WWP2: variants seen among roughly 807,000 people sequenced by gnomAD.
The protein encoded by WWP2 is NEDD4-like E3 ubiquitin-protein ligase WWP2.
WWP2 carries 57 observed loss-of-function variants against 121.0 expected under a neutral mutation model. That is an observed-to-expected ratio of 0.47 (90% CI 0.38 to 0.59). The LOEUF is 0.59. Among genes scored for constraint, WWP2 ranks in the 20% least tolerant of loss-of-function variants. WWP2 has a pLI of 0.00. For synonymous variants in WWP2, 449 were observed against 441.3 expected, an observed-to-expected ratio of 1.02 and a Z score of -0.22; for missense variants, 962 against 1,158.9, an observed-to-expected ratio of 0.83 and a Z score of 2.47.
intron 4 of WWP2, among the ~76,000 whole-genome samples, chr16:69,813,581 G>A (rs1035118954): frequency 2.6e-5 from 4 of 152,186 alleles, no homozygotes; most frequent in African/African-American, 9.7e-5. Context: ...CCCCACCTCA[G>A]CCTCCAGAGT....
At chr16:69,805,142 C>T (rs62050043) in intron 4 of WWP2, among the ~76,000 whole-genome samples, 9 of 151,660 alleles carry the variant, frequency 5.9e-5, no homozygotes, top group Non-Finnish European at 1.2e-4. Flanking sequence ...TGGGTTCAAG[C>T]GATTCTCGTG....
rs180818736 is a variant in WWP2 at position 69,908,954 on chromosome 16, G to A, written c.1004+104G>A. The A allele has an allele frequency of 8.9e-5, 139 of 1,565,284 alleles. No homozygotes were observed. The Admixed American group carries it at 2.6e-3, about 30-fold the overall frequency. On this transcript the variant is annotated intron_variant, in intron 9 of 23. Coordinates refer to ENST00000359154, the MANE Select transcript of WWP2 (RefSeq NM_001270454.2). ...TTCTGCGGAGGTAGCATAGCACAGT[G>A]ACGTTTATTCCGGGTCACTTGATTG...
rs761615562 is a variant in WWP2 at position 69,917,791 on chromosome 16, G to A, written c.1087G>A (p.Ala363Thr). The A allele has an allele frequency of 1.1e-5, 17 of 1,614,016 alleles. No individual in the cohort carries two copies. The highest frequency in any genetic ancestry group is 1.4e-5 in the Non-Finnish European group (17 of 1,179,842). Reference protein sequence around the residue: ...TRTTTWQRPTAEYVRNYEQWQ... With the variant: ...TRTTTWQRPTTEYVRNYEQWQ... ...GACCACCACCTGGCAGCGTCCGACC[G>A]CGGAGTACGTGCGCAACTATGAGCA... Residue 363 changes from alanine to threonine, a missense_variant, in exon 10 of 24, where the codon GCG becomes ACG. Transcript: ENST00000359154.
intron 4 of WWP2, among the ~76,000 whole-genome samples, chr16:69,805,877 A>G (rs2056265350): frequency 6.7e-6 from 1 of 150,238 alleles, no homozygotes; most frequent in South Asian, 2.1e-4. Flanking sequence ...GAATGATTAT[A>G]TGATTTTTCT....
chr16:69,878,022 G>T (rs964328820), intron 7 of WWP2, among the ~76,000 whole-genome samples: 2 of 152,006 alleles, frequency 1.3e-5, no homozygotes, highest in Non-Finnish European at 2.9e-5. Context: ...TGGCCAGGCT[G>T]ATCTCAAACT....
chr16:69,917,058 A>G (rs1175042804), intron 9 of WWP2, among the ~76,000 whole-genome samples: 2 of 152,220 alleles, frequency 1.3e-5, no homozygotes, highest in South Asian at 2.1e-4. Flanking sequence ...AGACCATGCA[A>G]CATGTTTACA....
chr16:69,905,902 C>T (rs1597139966), intron 8 of WWP2, among the ~76,000 whole-genome samples: 3 of 152,316 alleles, frequency 2.0e-5, no homozygotes, highest in Non-Finnish European at 4.4e-5. Flanking sequence ...CTCTGAGCCT[C>T]AGTTTCCTCA....
At chr16:69,841,996 T>C in intron 5 of WWP2, 28 bp from the exon 6 acceptor site, 2 of 1,602,226 alleles carry the variant, frequency 1.2e-6, no homozygotes, top group Non-Finnish European at 1.7e-6. Context: ...AATGCTTCTG[T>C]CTTTTCTTGT....
chr16:69,887,396 C>G (rs2057944251), intron 7 of WWP2, among the ~76,000 whole-genome samples: 1 of 151,830 alleles, frequency 6.6e-6, no homozygotes, highest in African/African-American at 2.4e-5. Context: ...GCATTTAGCC[C>G]CAACACTTTT....
Position 69,925,264 on chromosome 16 carries a change from G to A in WWP2, c.1180-166G>A. 1 of 1,433,640 alleles carries A rather than the reference G, an allele frequency of 7.0e-7. No individual in the cohort carries two copies. Among genetic ancestry groups the A allele is most frequent in the Non-Finnish European group, 9.2e-7 (1 of 1,091,068 alleles). The allele number at this position is 1,433,640 out of a possible 1,614,324, so 88.8% of individuals were successfully genotyped here. Reference sequence around the variant, plus strand: ...TCTGTAAAAATCAAAACAAAAAACAGAGACTTTTGAGAGGAGCAGATGCCA... The same window carrying A: ...TCTGTAAAAATCAAAACAAAAAACAAAGACTTTTGAGAGGAGCAGATGCCA... On this transcript the variant is annotated intron_variant, in intron 10 of 23. Coordinates refer to ENST00000359154, the MANE Select transcript of WWP2 (RefSeq NM_001270454.2). The surrounding 1 kb of genome is among the most constrained non-coding windows in gnomAD (Gnocchi z 4.0).
rs1296647818 is a variant in WWP2, at chr16:69,940,027, G to A, written c.*87G>A. ...AGGCCACTGGCCCCGCAGCCCTTGG[G>A]AGGCCCCCGTGGATGTGGCCCTGTG... is the stretch of plus-strand genomic sequence containing the variant. On this transcript the variant is annotated 3_prime_UTR_variant, in exon 24 of 24. Coordinates refer to ENST00000359154, the MANE Select transcript of WWP2 (RefSeq NM_001270454.2). 3 of 1,137,542 alleles carry A rather than the reference G, an allele frequency of 2.6e-6. No homozygotes were observed. The East Asian group carries it at 7.6e-5, about 29-fold the overall frequency. 70.5% of individuals were successfully genotyped at this position (1,137,542 alleles called of 1,614,324 possible). A position where few individuals can be genotyped will look rare whatever the true frequency, so the allele number is the denominator to read the frequency against.
At chr16:69,803,375 AC>A (rs10708547) in intron 4 of WWP2, among the ~76,000 whole-genome samples, 8,870 of 152,086 alleles carry the variant, frequency 0.058, 841 homozygotes, top group African/African-American at 0.2. Context: ...CATAAAAAAA[AC>A]ATTATCTTAC....
rs2058791844 is a variant in WWP2, at chr16:69,936,002, C to G, written c.1976+16C>G. On this transcript the variant is annotated intron_variant, in intron 18 of 23. Coordinates refer to ENST00000359154, the MANE Select transcript of WWP2 (RefSeq NM_001270454.2). Reference sequence around the variant, plus strand: ...TCTGGATCAAGTGAGTTCCCTGCCCCCTTGCCCCACCGCGCTGATAGGAGG... The same window carrying G: ...TCTGGATCAAGTGAGTTCCCTGCCCGCTTGCCCCACCGCGCTGATAGGAGG... The G allele has an allele frequency of 9.9e-6, 16 of 1,612,482 alleles. No homozygotes were observed. The highest frequency in any genetic ancestry group is 1.3e-5 in the Non-Finnish European group (15 of 1,179,396).
chr16:69,928,637 G>T (rs183018781), intron 11 of WWP2, among the ~76,000 whole-genome samples: 2 of 152,164 alleles, frequency 1.3e-5, no homozygotes, highest in African/African-American at 4.8e-5. Flanking sequence ...GGCCAGGCAC[G>T]GTGGCTTATT....
chr16:69,806,271 C>A (rs150593804), intron 4 of WWP2, among the ~76,000 whole-genome samples: 25 of 152,224 alleles, frequency 1.6e-4, no homozygotes, highest in African/African-American at 5.8e-4. Context: ...CTAGAATATA[C>A]CTAGTTGCTC....
chr16:69,816,744 TATACACACGTATACATATACAC>T (rs1347870968), intron 4 of WWP2, among the ~76,000 whole-genome samples: 8 of 152,004 alleles, frequency 5.3e-5, no homozygotes, highest in African/African-American at 1.9e-4. Flanking sequence ...CACGTATACA[TATACACACGTATACATATACAC>T]ATACACACAT....
Position 69,856,159 on chromosome 16 carries a change from G to A in WWP2, c.575+14039G>A, listed in dbSNP as rs75549727. Among the ~76,000 whole-genome samples the A allele has an allele frequency of 2.6e-4, 39 of 152,246 alleles. No individual in the cohort carries two copies. The East Asian group carries it at 5.8e-3, about 23-fold the overall frequency. ...GACAAATAAAAAGTAACTTAACAAC[G>A]TGAATGACTCTTAAAAGTATTAGGC... On this transcript the variant is annotated intron_variant, in intron 6 of 23. Coordinates refer to ENST00000359154, the MANE Select transcript of WWP2 (RefSeq NM_001270454.2).
intron 6 of WWP2, among the ~76,000 whole-genome samples, chr16:69,846,070 A>AAAAAAAAAAAAAAAAAAG (rs58504050): frequency 3.4e-4 from 51 of 149,740 alleles, no homozygotes; most frequent in African/African-American, 1.1e-3. Context: ...AAAAAAAAAA[A>AAAAAAAAAAAAAAAAAAG]GAATACTTAT....
chr16:69,859,146 A>G (rs1375764265), intron 6 of WWP2, among the ~76,000 whole-genome samples: 1 of 152,236 alleles, frequency 6.6e-6, no homozygotes, highest in Non-Finnish European at 1.5e-5. Flanking sequence ...TCTGTAGGTC[A>G]TAAGTCCAGG....
Sources: gnomAD v4.1 joint callset for allele counts (sites outside exome capture counted in the v4.1 genomes callset) on GRCh38, gnomAD v4.1.1 for gene constraint, Gnocchi (gnomAD v3.1) non-coding constraint, MANE v1.5 for transcripts, NCBI Gene and HGNC (gene_info 2026-07-23, HGNC 2026-07-21) for gene names.